The following SPATC1 variants were observed in gnomAD, a reference collection of about 807,000 sequenced individuals.
SPATC1 encodes the protein spermatogenesis and centriole associated 1.
A neutral mutation model predicts 36.5 loss-of-function variants in SPATC1; 35 were observed. The observed-to-expected ratio is 0.96, with a 90% CI of 0.73 to 1.27. The LOEUF is 1.27. SPATC1 is among the 50% of genes most tolerant of loss of function. SPATC1 has a pLI of 0.00. For missense variants in SPATC1, 779 were observed against 796.0 expected (o/e 0.98, Z 0.26); for synonymous variants, 361 against 353.6 (o/e 1.02, Z -0.24).
intron 1 of SPATC1, among the ~76,000 whole-genome samples, chr8:144,035,993 C>T (rs1834890850): frequency 1.3e-5 from 2 of 152,172 alleles, no homozygotes; most frequent in Non-Finnish European, 2.9e-5. Context: ...CCTCTGTCTG[C>T]CCCACTCTGT....
chr8:144,021,322 G>T (rs1386171647), intron 1 of SPATC1, among the ~76,000 whole-genome samples: 4 of 9,594 alleles, frequency 4.2e-4, no homozygotes, highest in Non-Finnish European at 7.0e-4. Flanking sequence ...ATGACCCTCT[G>T]CCCTCATGAC....
chr8:144,024,355 G>A (rs1465273495), intron 1 of SPATC1, among the ~76,000 whole-genome samples: 7 of 142,168 alleles, frequency 4.9e-5, no homozygotes, highest in African/African-American at 1.3e-4. Context: ...CTTCTTTCAG[G>A]ACCCTCTCCC....
Position 144,034,326 on chromosome 8 carries a change from G to A in SPATC1, c.212-5583G>A, listed in dbSNP as rs927664416. Among the ~76,000 whole-genome samples the A allele has an allele frequency of 1.7e-3, 258 of 152,298 alleles. 1 individual carries two copies. Among genetic ancestry groups the A allele is most frequent in the African/African-American group, 5.8e-3 (243 of 41,566 alleles). On this transcript the variant is annotated intron_variant, in intron 1 of 4. Coordinates refer to ENST00000377470, the MANE Select transcript of SPATC1 (RefSeq NM_198572.3). Reference sequence around the variant, plus strand: ...GGCCACCCCTGGACTAGCCTTGCCCGTAAGGGCCTGGCTTTGTTTGCTAAG... The same window carrying A: ...GGCCACCCCTGGACTAGCCTTGCCCATAAGGGCCTGGCTTTGTTTGCTAAG...
In SPATC1 at chr8:144,016,462, G is replaced by A. The variant is rs561382215; in HGVS notation, c.211+3736G>A. On this transcript the variant is annotated intron_variant, in intron 1 of 4. Coordinates refer to ENST00000377470, the MANE Select transcript of SPATC1 (RefSeq NM_198572.3). This position sits in a 1 kb window ranked among gnomAD's most constrained non-coding sequence, Gnocchi z 4.5. ...GTCTGATTGTGTGAGTGTATATGGT[G>A]TGTGTGTGGTGTGTTCATGTGTGAC... 5.3e-5 allele frequency among the ~76,000 whole-genome samples: 8 copies of A among 152,104 alleles called. No homozygotes were observed. In the South Asian group the frequency reaches 1.5e-3, roughly 28 times the overall value.
At chr8:144,020,465 A>T (rs1377073184) in intron 1 of SPATC1, among the ~76,000 whole-genome samples, 2 of 78,864 alleles carry the variant, frequency 2.5e-5, no homozygotes, top group East Asian at 4.3e-4. Flanking sequence ...CCCGCAGGAC[A>T]CTCTTCCCTC....
rs924437075 is a variant in SPATC1 at position 144,045,295 on chromosome 8, C to T, written c.1447-1332C>T. Among the ~76,000 whole-genome samples the T allele has an allele frequency of 7.2e-5, 11 of 152,246 alleles. No homozygotes were observed. The highest frequency in any genetic ancestry group is 2.2e-4 in the African/African-American group (9 of 41,470). ...GAACCTCCAGCTGGGGAGAGACAGG[C>T]GCATCCCAGGCACGTCCCAGGCAAC... is the stretch of plus-strand genomic sequence containing the variant. On this transcript the variant is annotated intron_variant, in intron 4 of 4. Transcript: ENST00000377470. The surrounding 1 kb of genome is among the most constrained non-coding windows in gnomAD (Gnocchi z 5.2).
chr8:144,012,112 A>G (rs1324030102), upstream of SPATC1, among the ~76,000 whole-genome samples: 2 of 152,234 alleles, frequency 1.3e-5, no homozygotes, highest in Non-Finnish European at 1.5e-5. Flanking sequence ...AAGCCAGTGG[A>G]CAATGTTAAG....
intron 1 of SPATC1, among the ~76,000 whole-genome samples, chr8:144,039,466 C>G (rs1395812986): frequency 2.0e-5 from 3 of 152,158 alleles, no homozygotes; most frequent in African/African-American, 7.2e-5. Flanking sequence ...GGTCAGGAGG[C>G]CTGGGCCCTC....
chr8:144,017,911 C>A (rs1172924224), intron 1 of SPATC1, among the ~76,000 whole-genome samples: 3 of 152,164 alleles, frequency 2.0e-5, no homozygotes, highest in Admixed American at 2.0e-4. Flanking sequence ...ACAACATCCA[C>A]GTGGAGTGTC....
chr8:144,032,919 C>T (rs928847003), intron 1 of SPATC1, among the ~76,000 whole-genome samples: 4 of 151,978 alleles, frequency 2.6e-5, no homozygotes, highest in Admixed American at 6.6e-5. Context: ...ACAAAGAATA[C>T]GGTCTTTATA....
At chr8:144,018,935 A>G (rs1834447170) in intron 1 of SPATC1, among the ~76,000 whole-genome samples, 1 of 146,654 alleles carries the variant, frequency 6.8e-6, no homozygotes, top group Non-Finnish European at 1.5e-5. Context: ...CCAGCTACTC[A>G]GGAGGCTGAG....
rs1378912898 is a variant in SPATC1, at chr8:144,040,403, C to T, written c.706C>T (p.Arg236Cys). ...APRLRLAEPL[R>C]GGPTGPQSPA... ...AAGGCTGCGGCTGGCTGAGCCACTC[C>T]GCGGAGGCCCCACTGGGCCCCAGTC... The change falls in exon 2 of 5, where the codon CGC (arginine) becomes TGC (cysteine). Residue 236 changes from arginine (R) to cysteine (C), a missense_variant. By Grantham distance (180) the Arg-to-Cys change is radical (BLOSUM62 -3). Transcript: ENST00000377470. 8 of 1,611,430 alleles carry T rather than the reference C, an allele frequency of 5.0e-6. No homozygotes were observed. In the East Asian group the frequency reaches 6.7e-5, roughly 13 times the overall value.
rs1554756008 is a variant in SPATC1 at position 144,041,267 on chromosome 8, G to A, written c.1342G>A (p.Glu448Lys). The A allele has an allele frequency of 2.5e-6, 4 of 1,612,900 alleles. No homozygotes were observed. The highest frequency in any genetic ancestry group is 3.3e-5 in the Admixed American group (2 of 59,990). Residue 448 changes from glutamate (E) to lysine (K), a missense_variant, in exon 4 of 5, where the codon GAG becomes AAG. By Grantham distance (56) the Glu-to-Lys change is moderately conservative (BLOSUM62 1). Transcript: ENST00000377470. ...GCTGGCCTGGGAGAGGCTGGTGGGT[G>A]AGATTGCCTTCCAGCTGGACCGCAG... ...KQLAWERLVG[E>K]IAFQLDRRIL... is the part of the protein sequence containing the mutation.
intron 1 of SPATC1, among the ~76,000 whole-genome samples, chr8:144,033,212 A>G (rs1834832979): frequency 6.6e-6 from 1 of 152,170 alleles, no homozygotes; most frequent in African/African-American, 2.4e-5. Context: ...CCTGGCCAAC[A>G]TGGTGAAACT....
chr8:144,046,032 G>A lies in SPATC1; in HGVS notation c.1447-595G>A, dbSNP rs1229479218. Among the ~76,000 whole-genome samples, 2 of 152,196 alleles carry A rather than the reference G, an allele frequency of 1.3e-5. No homozygotes were observed. Among genetic ancestry groups the A allele is most frequent in the South Asian group, 2.1e-4 (1 of 4,832 alleles). ...GCCCTGGCCCCAGGCCCAGGAGGAC[G>A]CAGATGGAGACAGGCCCCTCAGCGC... On this transcript the variant is annotated intron_variant, in intron 4 of 4. Transcript: ENST00000377470. This position sits in a 1 kb window ranked among gnomAD's most constrained non-coding sequence, Gnocchi z 6.6.
Position 144,040,270 on chromosome 8 carries a change from G to A in SPATC1, c.573G>A (p.Val191=). The A allele has an allele frequency of 1.2e-6, 2 of 1,612,860 alleles. No individual in the cohort carries two copies. Among genetic ancestry groups the A allele is most frequent in the Non-Finnish European group, 8.5e-7 (1 of 1,179,900 alleles). Residue 191 remains valine, a synonymous_variant, in exon 2 of 5, where the codon GTG becomes GTA. Coordinates refer to ENST00000377470, the MANE Select transcript of SPATC1 (RefSeq NM_198572.3). ...TGATAGCCCCTGTGATGGGCACGGT[G>A]GCTGTCTCTCTGAGCAGCCCCCTCC... ...SPLIAPVMGT[V]AVSLSSPLLS... is the part of the protein sequence containing the mutation.
chr8:144,042,301 ATATATATATATTTTT>A (rs1835128399), intron 4 of SPATC1, among the ~76,000 whole-genome samples: 1 of 55,790 alleles, frequency 1.8e-5, no homozygotes, highest in African/African-American at 1.1e-4. Flanking sequence ...ATATATATAT[ATATATATATATTTTT>A]TTTTTTTTTT....
At chr8:144,034,111 G>C (rs1834851582) in intron 1 of SPATC1, among the ~76,000 whole-genome samples, 1 of 152,264 alleles carries the variant, frequency 6.6e-6, no homozygotes, top group Non-Finnish European at 1.5e-5. Context: ...TGTTTACAGG[G>C]CCCTGCCCAG....
chr8:144,043,299 AT>A (rs797036957), intron 4 of SPATC1, among the ~76,000 whole-genome samples: 6,182 of 127,524 alleles, frequency 0.048, 410 homozygotes, highest in African/African-American at 0.18. Flanking sequence ...CCAGCCTTAC[AT>A]TTTTTTTTTT....
Sources: gnomAD v4.1 joint callset for allele counts (sites outside exome capture counted in the v4.1 genomes callset) on GRCh38, gnomAD v4.1.1 for gene constraint, Gnocchi (gnomAD v3.1) non-coding constraint, MANE v1.5 for transcripts, NCBI Gene and HGNC (gene_info 2026-07-23, HGNC 2026-07-21) for gene names.